Variants in PDE4B observed in about 807,000 individuals in gnomAD.
PDE4B encodes phosphodiesterase 4B.
In PDE4B, 20 loss-of-function variants were observed where a neutral mutation model predicts 82.2. The ratio of observed to expected loss-of-function variants is 0.24; its 90% confidence interval spans 0.17 to 0.35. The LOEUF is 0.35. Among genes scored for constraint, PDE4B ranks in the 10% least tolerant of loss-of-function variants. The pLI is 1.00. For synonymous variants in PDE4B, 320 were observed against 318.9 expected, an observed-to-expected ratio of 1.00 and a Z score of -0.04; for missense variants, 655 against 907.2, an observed-to-expected ratio of 0.72 and a Z score of 3.57.
intron 3 of PDE4B, among the ~76,000 whole-genome samples, chr1:66,022,417 C>T (rs990407138): frequency 2.0e-5 from 3 of 152,188 alleles, no homozygotes; most frequent in Admixed American, 6.5e-5. Flanking sequence ...AGTTTGTGCC[C>T]ATTCAGCATG....
At chr1:66,276,192 G>A (rs1655869067) in intron 7 of PDE4B, among the ~76,000 whole-genome samples, 1 of 152,200 alleles carries the variant, frequency 6.6e-6, no homozygotes, top group Non-Finnish European at 1.5e-5. Flanking sequence ...GTATGTGCCA[G>A]GCACAGTGCT....
chr1:65,955,620 C>T (rs961651668), intron 3 of PDE4B, among the ~76,000 whole-genome samples: 2 of 152,110 alleles, frequency 1.3e-5, no homozygotes, highest in Admixed American at 6.6e-5. Flanking sequence ...CATTCTGGTA[C>T]GTCATCTTGC....
chr1:66,021,395 C>A (rs1653099869), intron 3 of PDE4B, among the ~76,000 whole-genome samples: 1 of 152,168 alleles, frequency 6.6e-6, no homozygotes, highest in African/African-American at 2.4e-5. Flanking sequence ...CTTGCCCATG[C>A]CTATGTCCTG....
intron 7 of PDE4B, among the ~76,000 whole-genome samples, chr1:66,273,083 G>A (rs185402070): frequency 1.3e-5 from 2 of 152,008 alleles, no homozygotes; most frequent in South Asian, 4.1e-4. Context: ...CCCAGTTATG[G>A]TTACATTATT....
intron 3 of PDE4B, among the ~76,000 whole-genome samples, chr1:66,138,769 TA>T (rs1289608710): frequency 2.6e-5 from 4 of 152,214 alleles, no homozygotes; most frequent in Non-Finnish European, 5.9e-5. Context: ...ACCTTTATAT[TA>T]AACCCAAATC....
At chr1:66,260,159 T>C (rs1443827739) in intron 6 of PDE4B, among the ~76,000 whole-genome samples, 2 of 152,190 alleles carry the variant, frequency 1.3e-5, no homozygotes, top group African/African-American at 4.8e-5. Context: ...ATGATATTCA[T>C]GGTATTGAAC....
At chr1:66,080,049 G>C (rs778335288) in intron 3 of PDE4B, among the ~76,000 whole-genome samples, 1 of 152,080 alleles carries the variant, frequency 6.6e-6, no homozygotes, top group Non-Finnish European at 1.5e-5. Flanking sequence ...TACATATCCT[G>C]AAAAACCCTA....
intron 3 of PDE4B, among the ~76,000 whole-genome samples, chr1:66,062,003 G>A (rs1655606282): frequency 6.6e-6 from 1 of 152,128 alleles, no homozygotes; most frequent in South Asian, 2.1e-4. Flanking sequence ...AGAAGCAAAT[G>A]AAAAGTGATC....
At chr1:66,331,458 A>T (rs1036330619) in intron 7 of PDE4B, among the ~76,000 whole-genome samples, 2 of 152,242 alleles carry the variant, frequency 1.3e-5, no homozygotes, top group Non-Finnish European at 2.9e-5. Flanking sequence ...TAAGCCAGTA[A>T]CCTGAAGTAT....
At chr1:66,353,204 G>A (rs1661969994) in intron 8 of PDE4B, among the ~76,000 whole-genome samples, 1 of 152,196 alleles carries the variant, frequency 6.6e-6, no homozygotes, top group African/African-American at 2.4e-5. Context: ...AGTAAAATAT[G>A]CTAGCTGAGA....
intron 7 of PDE4B, among the ~76,000 whole-genome samples, chr1:66,320,703 C>A (rs1222612547): frequency 6.6e-6 from 1 of 152,150 alleles, no homozygotes; most frequent in Non-Finnish European, 1.5e-5. Context: ...AAAATAGATT[C>A]TCTACCCTCA....
intron 3 of PDE4B, among the ~76,000 whole-genome samples, chr1:65,963,740 G>A (rs529308168): frequency 6.6e-6 from 1 of 152,262 alleles, no homozygotes; most frequent in East Asian, 1.9e-4. Context: ...CCTGAGGCGA[G>A]CCCTGTCACA....
chr1:66,323,160 T>C (rs1325815785), intron 7 of PDE4B, among the ~76,000 whole-genome samples: 1 of 152,166 alleles, frequency 6.6e-6, no homozygotes, highest in Admixed American at 6.6e-5. Context: ...ATACAAGATC[T>C]TTGCATGGCC....
chr1:66,128,372 A>T (rs542197589), intron 3 of PDE4B, among the ~76,000 whole-genome samples: 17 of 152,354 alleles, frequency 1.1e-4, no homozygotes, highest in South Asian at 6.2e-4. Flanking sequence ...TTGAATTTTT[A>T]AAAAATTAAC....
chr1:65,989,799 T>C (rs1399881729), intron 3 of PDE4B, among the ~76,000 whole-genome samples: 1 of 152,154 alleles, frequency 6.6e-6, no homozygotes, highest in Non-Finnish European at 1.5e-5. Context: ...AGGATTTATT[T>C]TTACTGTGCT....
In PDE4B at chr1:66,033,008, C is replaced by T. The variant is rs114735514; in HGVS notation, c.281+114173C>T. Among the ~76,000 whole-genome samples, 32 of 152,250 alleles carry T rather than the reference C, an allele frequency of 2.1e-4. 1 individual carries two copies. Among genetic ancestry groups the T allele is most frequent in the African/African-American group, 6.7e-4 (28 of 41,546 alleles). On this transcript the variant is annotated intron_variant, in intron 3 of 16. Coordinates refer to ENST00000341517, the MANE Select transcript of PDE4B (RefSeq NM_002600.4). ...ATTTTGCTTTGTTTCTTCTCTCCCT[C>T]GCTTCCTTCTCTTCTTCCTTGCTTC...
chr1:65,989,491 AAAAAT>A (rs1271918989), intron 3 of PDE4B, among the ~76,000 whole-genome samples: 5 of 152,184 alleles, frequency 3.3e-5, no homozygotes, highest in East Asian at 1.9e-4. Flanking sequence ...ACACTGTCTA[AAAAAT>A]AAAATAAAAT....
rs544011612 is a variant in PDE4B, at chr1:66,031,675, A to G, written c.281+112840A>G. 4.6e-5 allele frequency among the ~76,000 whole-genome samples: 7 copies of G among 152,326 alleles called. No homozygotes were observed. The East Asian group carries it at 1.3e-3, about 29-fold the overall frequency. ...TTTTTTCCATACTCTTTAGTTCTTG[A>G]TGAACCCCATATGGTTCTGGTGCTC... is the stretch of plus-strand genomic sequence containing the variant. On this transcript the variant is annotated intron_variant, in intron 3 of 16. Coordinates refer to ENST00000341517, the MANE Select transcript of PDE4B (RefSeq NM_002600.4).
chr1:66,010,295 T>C (rs1042113513), intron 3 of PDE4B, among the ~76,000 whole-genome samples: 7 of 151,648 alleles, frequency 4.6e-5, no homozygotes, highest in Non-Finnish European at 1.0e-4. Context: ...TCTGGAAATA[T>C]AAATTTTAAA....
Sources: allele counts gnomAD v4.1 joint callset (sites outside exome capture counted in the v4.1 genomes callset), GRCh38; gene constraint gnomAD v4.1.1; transcripts MANE v1.5; gene names NCBI Gene and HGNC (gene_info 2026-07-23, HGNC 2026-07-21).